SYNGR1: variants seen among roughly 807,000 people sequenced by gnomAD.
SYNGR1 encodes the protein synaptogyrin 1.
In SYNGR1, 14 loss-of-function variants were observed where a neutral mutation model predicts 26.1. The observed-to-expected ratio is 0.54, with a 90% CI of 0.35 to 0.84. The LOEUF is 0.84. SYNGR1 is among the 40% of genes least tolerant of loss of function. SYNGR1 has a pLI of 0.01. For synonymous variants in SYNGR1, 141 were observed against 150.1 expected (o/e 0.94, Z 0.44); for missense variants, 319 against 332.9 (o/e 0.96, Z 0.33).
In SYNGR1 at chr22:39,350,577, G is replaced by A. The variant is rs1412103969; in HGVS notation, c.99+468G>A. Among the ~76,000 whole-genome samples, 1 of 152,128 alleles carries A rather than the reference G, an allele frequency of 6.6e-6. No homozygotes were observed. Among genetic ancestry groups the A allele is most frequent in the Non-Finnish European group, 1.5e-5 (1 of 67,988 alleles). On this transcript the variant is annotated intron_variant, in intron 1 of 3. Coordinates refer to ENST00000328933, the MANE Select transcript of SYNGR1 (RefSeq NM_004711.5). This position sits in a 1 kb window ranked among gnomAD's most constrained non-coding sequence, Gnocchi z 4.3. ...GCGATGGACGTTGGAGGAGGAGAGGGCCGGGAACCGGGTTCGTATTGCCTA... is the reference window on the plus strand; with the variant it reads ...GCGATGGACGTTGGAGGAGGAGAGGACCGGGAACCGGGTTCGTATTGCCTA...
At position 39,359,909 on chromosome 22, in the gene SYNGR1, C is replaced by T. The variant is rs574182753; in HGVS notation, c.99+9800C>T. 1.5e-4 allele frequency among the ~76,000 whole-genome samples: 23 copies of T among 152,218 alleles called. No homozygotes were observed. In the East Asian group the frequency reaches 2.7e-3, roughly 18 times the overall value. On this transcript the variant is annotated intron_variant, in intron 1 of 3. Coordinates refer to ENST00000328933, the MANE Select transcript of SYNGR1 (RefSeq NM_004711.5). ...CCAACCCTCCTACCTTTCCATCTCC[C>T]TCTCCCTCCCCTGATCCTAGATCCT...
rs773101579 is a variant in SYNGR1 at position 39,364,228 on chromosome 22, G to C, written c.100-10088G>C. 5 of 1,613,894 alleles carry C rather than the reference G, an allele frequency of 3.1e-6. No individual in the cohort carries two copies. The Admixed American group carries it at 5.0e-5, about 16-fold the overall frequency. ...CTTAGAGTTTGGGATTCTGGAATTC[G>C]ATCCTTCATGGATAGGCAGCTGGAC... On this transcript the variant is annotated intron_variant, in intron 1 of 3. Coordinates refer to ENST00000328933, the MANE Select transcript of SYNGR1 (RefSeq NM_004711.5).
rs191424206 is a variant in SYNGR1, at chr22:39,353,777, T to G, written c.99+3668T>G. Among the ~76,000 whole-genome samples the G allele has an allele frequency of 5.2e-4, 79 of 152,360 alleles. 1 individual carries two copies. In the East Asian group the frequency reaches 9.4e-3, roughly 18 times the overall value. On this transcript the variant is annotated intron_variant, in intron 1 of 3. Coordinates refer to ENST00000328933, the MANE Select transcript of SYNGR1 (RefSeq NM_004711.5). ...AACTGATTTAATAGAAAGGACCACCTTTTATTTGGAGTTTATATTCTTTTT... is the reference window on the plus strand; with the variant it reads ...AACTGATTTAATAGAAAGGACCACCGTTTATTTGGAGTTTATATTCTTTTT...
At chr22:39,361,799 T>C (rs922881551) in intron 1 of SYNGR1, among the ~76,000 whole-genome samples, 2 of 152,084 alleles carry the variant, frequency 1.3e-5, no homozygotes, top group African/African-American at 4.8e-5. Context: ...CAGTGTTTGG[T>C]TGGCATTTAC....
In SYNGR1 at chr22:39,384,679, C is replaced by A; in HGVS notation, c.*2765C>A. The A allele has an allele frequency of 2.5e-6, 1 of 399,172 alleles. No individual in the cohort carries two copies. The highest frequency in any genetic ancestry group is 4.4e-6 in the Non-Finnish European group (1 of 226,106). 24.7% of individuals were successfully genotyped at this position (399,172 alleles called of 1,614,324 possible). On this transcript the variant is annotated 3_prime_UTR_variant, in exon 4 of 4. Coordinates refer to ENST00000328933, the MANE Select transcript of SYNGR1 (RefSeq NM_004711.5). ...TCCTCCCAGCTGCCCTCCCCTACTT[C>A]TCCCTTGCTCCCAAAGCTTTCCTTG... is the stretch of plus-strand genomic sequence containing the variant.
In SYNGR1 at chr22:39,367,039, C is replaced by T. The variant is rs142067164; in HGVS notation, c.100-7277C>T. Among the ~76,000 whole-genome samples, 559 of 152,356 alleles carry T rather than the reference C, an allele frequency of 3.7e-3. 6 individuals are homozygous for T. The highest frequency in any genetic ancestry group is 0.017 in the Middle Eastern group (5 of 294). On this transcript the variant is annotated intron_variant, in intron 1 of 3. Coordinates refer to ENST00000328933, the MANE Select transcript of SYNGR1 (RefSeq NM_004711.5). ...CCTGTGGCTGCTTCTTCCCTGGGCT[C>T]GGGTCCCTCACTGAGTCAGACTTCT...
chr22:39,359,630 CAAAAAAAAAAA>C (rs60500594), intron 1 of SYNGR1, among the ~76,000 whole-genome samples: 11 of 78,152 alleles, frequency 1.4e-4, no homozygotes, highest in Admixed American at 8.4e-4. Context: ...GACTCTGTCT[CAAAAAAAAAAA>C]AAAAAAAAAA....
chr22:39,375,899 C>A, intron 2 of SYNGR1, 153 bp from the exon 3 acceptor site: 2 of 1,014,156 alleles, frequency 2.0e-6, no homozygotes, highest in South Asian at 2.6e-5. Context: ...TCTCTCTTCC[C>A]CTACCCCCTT....
intron 2 of SYNGR1, 77 bp downstream of exon 2, chr22:39,374,630 C>G (rs754526827): frequency 6.8e-7 from 1 of 1,463,378 alleles, no homozygotes. Flanking sequence ...GGCTGCCACC[C>G]TTCTTCCCAT....
At position 39,350,753 on chromosome 22, in the gene SYNGR1, TCTC is replaced by T. The variant is rs1174172337; in HGVS notation, c.99+648_99+650del. On this transcript the variant is annotated intron_variant, in intron 1 of 3. Coordinates refer to ENST00000328933, the MANE Select transcript of SYNGR1 (RefSeq NM_004711.5). This position sits in a 1 kb window ranked among gnomAD's most constrained non-coding sequence, Gnocchi z 4.3. ...TTCAATTCCGAGGTGGGGAGTGTCA[TCTC>T]CTCTCTCATGCCTCAGTTTCCCAAT... Among the ~76,000 whole-genome samples the T allele has an allele frequency of 2.0e-5, 3 of 152,176 alleles. No homozygotes were observed. Among genetic ancestry groups the T allele is most frequent in the East Asian group, 3.9e-4 (2 of 5,142 alleles).
At position 39,374,498 on chromosome 22, in the gene SYNGR1, G is replaced by T. The variant is rs570834171; in HGVS notation, c.282G>T (p.Gln94His). 1 of 1,613,634 alleles carries T rather than the reference G, an allele frequency of 6.2e-7. No individual in the cohort carries two copies. Among genetic ancestry groups the T allele is most frequent in the African/African-American group, 1.3e-5 (1 of 74,906 alleles). ...LYLALDVYFP[Q>H]ISSVKDRKKA... The stretch of plus-strand genomic sequence containing the variant: ...TGGCCCTGGACGTGTACTTCCCGCA[G>T]ATCAGCAGCGTCAAGGACCGCAAGA... The change falls in exon 2 of 4, where the codon CAG (glutamine) becomes CAT (histidine). Residue 94 changes from glutamine to histidine, a missense_variant. Physicochemically the swap from Gln to His is conservative, Grantham distance 24 (BLOSUM62 0). Coordinates refer to ENST00000328933, the MANE Select transcript of SYNGR1 (RefSeq NM_004711.5).
rs1043395 is a variant in SYNGR1, at chr22:39,384,956, C to T, written c.*3042C>T. The T allele has an allele frequency of 0.053, 20,954 of 398,824 alleles. 663 individuals carry two copies. The highest frequency in any genetic ancestry group is 0.064 in the Non-Finnish European group (14,367 of 226,148). 24.7% of individuals were successfully genotyped at this position (398,824 alleles called of 1,614,324 possible). A position where few individuals can be genotyped will look rare whatever the true frequency, so the allele number is the denominator to read the frequency against. ...CACAGACTGTCCTGCCTGCACGGCTCCTATCCACCTGGGGGTGTCGCAGTT... is the reference window on the plus strand; with the variant it reads ...CACAGACTGTCCTGCCTGCACGGCTTCTATCCACCTGGGGGTGTCGCAGTT... On this transcript the variant is annotated 3_prime_UTR_variant, in exon 4 of 4. Coordinates refer to ENST00000328933, the MANE Select transcript of SYNGR1 (RefSeq NM_004711.5).
At chr22:39,373,671 C>T (rs999805544) in intron 1 of SYNGR1, among the ~76,000 whole-genome samples, 6 of 151,730 alleles carry the variant, frequency 4.0e-5, no homozygotes, top group Admixed American at 2.0e-4. Context: ...TTAGTAGGGG[C>T]GGGGTTTTGC....
chr22:39,380,185 C>T (rs552380085), intron 3 of SYNGR1, among the ~76,000 whole-genome samples: 11 of 143,548 alleles, frequency 7.7e-5, no homozygotes, highest in African/African-American at 2.3e-4. Context: ...AAAAACGGGG[C>T]GGCTTCAGGC....
At chr22:39,352,301 G>A (rs938472830) in intron 1 of SYNGR1, among the ~76,000 whole-genome samples, 7 of 152,222 alleles carry the variant, frequency 4.6e-5, no homozygotes, top group Non-Finnish European at 1.5e-5. Context: ...GAACCAAGAG[G>A]TGTCTGATAC....
At chr22:39,377,145 C>T (rs1925319577) in intron 3 of SYNGR1, 2 of 1,491,932 alleles carry the variant, frequency 1.3e-6, no homozygotes, top group African/African-American at 1.4e-5. Flanking sequence ...AGGCTACATA[C>T]AGGCCGCCAG....
chr22:39,363,905 G>C (rs1330953880), intron 1 of SYNGR1, among the ~76,000 whole-genome samples: 1 of 152,174 alleles, frequency 6.6e-6, no homozygotes, highest in Non-Finnish European at 1.5e-5. Flanking sequence ...GGCTCCAGAT[G>C]TCATCTCTCT....
intron 1 of SYNGR1, among the ~76,000 whole-genome samples, chr22:39,357,660 CCGGGCG>C (rs1924218260): frequency 1.2e-4 from 1 of 8,172 alleles, no homozygotes; most frequent in Non-Finnish European, 2.2e-4. Flanking sequence ...GGCCCCGGAC[CCGGGCG>C]TGGGCTTGGC....
intron 1 of SYNGR1, among the ~76,000 whole-genome samples, chr22:39,372,192 GT>G (rs202238088): frequency 0.027 from 3,910 of 143,040 alleles, 127 homozygotes; most frequent in African/African-American, 0.074. Context: ...GTGCAGTGGG[GT>G]TGATCTTGGC....
Sources: gnomAD v4.1 joint callset for allele counts (sites outside exome capture counted in the v4.1 genomes callset) on GRCh38, gnomAD v4.1.1 for gene constraint, Gnocchi (gnomAD v3.1) non-coding constraint, MANE v1.5 for transcripts, NCBI Gene and HGNC (gene_info 2026-07-23, HGNC 2026-07-21) for gene names.